The following CABLES1 variants were observed in gnomAD, a reference collection of about 807,000 sequenced individuals.
The protein encoded by CABLES1 is CDK5 and ABL1 enzyme substrate 1.
A neutral mutation model predicts 57.8 loss-of-function variants in CABLES1; 36 were observed. The ratio of observed to expected loss-of-function variants is 0.62; its 90% CI spans 0.48 to 0.82. The LOEUF (loss-of-function observed/expected upper bound fraction) is 0.82, where lower values mean the gene tolerates loss of function less well. Among genes scored for constraint, CABLES1 ranks in the 40% least tolerant of loss-of-function variants. The pLI is 0.00. For synonymous variants in CABLES1, 374 were observed against 363.0 expected (o/e 1.03, Z -0.35); for missense variants, 767 against 836.6 (o/e 0.92, Z 1.03).
intron 9 of CABLES1, 75 bp downstream of exon 9, chr18:23,254,011 C>A: frequency 8.0e-7 from 1 of 1,253,262 alleles, no homozygotes; most frequent in South Asian, 1.2e-5. Flanking sequence ...AGGATTCGGT[C>A]AGTGACCCTG....
chr18:23,247,416 GC>G (rs1339884929), intron 7 of CABLES1, among the ~76,000 whole-genome samples: 1 of 152,192 alleles, frequency 6.6e-6, no homozygotes, highest in African/African-American at 2.4e-5. Context: ...CAGAGCAGTG[GC>G]CTCAAGATGC....
At chr18:23,235,064 T>G (rs922353934) in intron 5 of CABLES1, among the ~76,000 whole-genome samples, 3 of 152,190 alleles carry the variant, frequency 2.0e-5, no homozygotes, top group African/African-American at 7.2e-5. Context: ...GTGTCATAGC[T>G]TCCCATGGTC....
chr18:23,219,514 T>C (rs928502529), intron 4 of CABLES1, among the ~76,000 whole-genome samples: 1 of 152,232 alleles, frequency 6.6e-6, no homozygotes, highest in Non-Finnish European at 1.5e-5. Flanking sequence ...TCGTGAACTC[T>C]CAGGCAGGGC....
At chr18:23,160,876 T>C (rs1330289535) in intron 1 of CABLES1, among the ~76,000 whole-genome samples, 1 of 151,860 alleles carries the variant, frequency 6.6e-6, no homozygotes, top group East Asian at 1.9e-4. Flanking sequence ...TCTACTAAAA[T>C]ACAAAAATTA....
At chr18:23,191,069 C>G (rs868423545) in intron 2 of CABLES1, among the ~76,000 whole-genome samples, 7 of 146,466 alleles carry the variant, frequency 4.8e-5, no homozygotes, top group Non-Finnish European at 1.0e-4. Flanking sequence ...TGTAGTGAGA[C>G]CCCATCTCTA....
chr18:23,178,747 C>T, intron 1 of CABLES1, among the ~76,000 whole-genome samples: 1 of 152,304 alleles, frequency 6.6e-6, no homozygotes, highest in East Asian at 1.9e-4. Flanking sequence ...AAGATAACCT[C>T]ACACCTTGAT....
At chr18:23,253,991 C>T (rs2048104082) in intron 9 of CABLES1, 55 bp downstream of exon 9, 13 of 1,501,576 alleles carry the variant, frequency 8.7e-6, no homozygotes, top group African/African-American at 1.4e-5. Context: ...TCCGGGGTTC[C>T]TCTCTCAGAA....
intron 4 of CABLES1, among the ~76,000 whole-genome samples, chr18:23,231,024 T>C (rs891788408): frequency 6.6e-6 from 1 of 152,042 alleles, no homozygotes; most frequent in African/African-American, 2.4e-5. Flanking sequence ...ATGGACCCCA[T>C]GGTCATTTCC....
At chr18:23,229,534 C>T (rs1037086524) in intron 4 of CABLES1, among the ~76,000 whole-genome samples, 7 of 152,304 alleles carry the variant, frequency 4.6e-5, no homozygotes, top group South Asian at 4.2e-4. Context: ...AGCTGCAGTT[C>T]GACATTCTCT....
chr18:23,146,373 G>A (rs955373045), intron 1 of CABLES1, among the ~76,000 whole-genome samples: 1 of 151,894 alleles, frequency 6.6e-6, no homozygotes, highest in African/African-American at 2.4e-5. Flanking sequence ...CCATGATCTT[G>A]GCTCACTGCA....
Position 23,136,308 on chromosome 18 carries a change from G to A in CABLES1, c.546G>A (p.Pro182=), listed in dbSNP as rs1040454379. The change falls in exon 1 of 10, where the codon CCG becomes CCA. Residue 182 remains proline (P), a synonymous_variant. Coordinates refer to ENST00000256925, the MANE Select transcript of CABLES1 (RefSeq NM_001100619.3). The part of the protein sequence containing the change: ...AGRASGEQWQ[P]PRPAPLAACA... ...GGGCGTCGGGGGAGCAGTGGCAGCC[G>A]CCCCGGCCGGCGCCTCTCGCCGCCT... 18 of 1,395,596 alleles carry A rather than the reference G, an allele frequency of 1.3e-5. No individual in the cohort carries two copies. The African/African-American group carries it at 2.3e-4, about 18-fold the overall frequency. The allele number at this position is 1,395,596 out of a possible 1,614,324, so 86.5% of individuals were successfully genotyped here.
intron 1 of CABLES1, among the ~76,000 whole-genome samples, chr18:23,163,156 A>G (rs1295119430): frequency 6.6e-6 from 1 of 152,082 alleles, no homozygotes; most frequent in Non-Finnish European, 1.5e-5. Flanking sequence ...CACTGGTACC[A>G]TGGAGATGGG....
chr18:23,213,583 C>CA (rs1156551258), intron 3 of CABLES1, among the ~76,000 whole-genome samples: 2 of 152,198 alleles, frequency 1.3e-5, no homozygotes, highest in African/African-American at 2.4e-5. Flanking sequence ...CTATTGCTCT[C>CA]ACATTGTTTA....
At chr18:23,224,304 C>CGTAA (rs1263490898) in intron 4 of CABLES1, among the ~76,000 whole-genome samples, 6 of 152,126 alleles carry the variant, frequency 3.9e-5, no homozygotes, top group Admixed American at 3.9e-4. Flanking sequence ...CAGCCCTTAC[C>CGTAA]CATCCTTGCT....
At chr18:23,219,416 C>A (rs1389473464) in intron 4 of CABLES1, among the ~76,000 whole-genome samples, 1 of 152,222 alleles carries the variant, frequency 6.6e-6, no homozygotes, top group East Asian at 1.9e-4. Flanking sequence ...TTCAGTTAGA[C>A]TTGGAAGTGT....
At chr18:23,214,141 A>G in intron 4 of CABLES1, 87 bp downstream of exon 4, 1 of 898,930 alleles carries the variant, frequency 1.1e-6, no homozygotes, top group Non-Finnish European at 1.8e-6. Context: ...TTCCATTTTC[A>G]AGAAGTTGCC....
intron 1 of CABLES1, among the ~76,000 whole-genome samples, chr18:23,137,639 AC>A (rs2046831879): frequency 6.6e-6 from 1 of 152,166 alleles, no homozygotes; most frequent in African/African-American, 2.4e-5. Flanking sequence ...TATCATGCTT[AC>A]CTGAAAGCTT....
At chr18:23,201,140 G>C (rs569217301) in intron 3 of CABLES1, among the ~76,000 whole-genome samples, 44 of 152,364 alleles carry the variant, frequency 2.9e-4, no homozygotes, top group South Asian at 1.2e-3. Flanking sequence ...AGATTAAACT[G>C]AGCAAGGAGA....
intron 1 of CABLES1, among the ~76,000 whole-genome samples, chr18:23,173,197 T>C (rs560938108): frequency 2.1e-4 from 32 of 152,230 alleles, no homozygotes; most frequent in Non-Finnish European, 3.5e-4. Context: ...TAGCCTGTGC[T>C]GGAGCATCTG....
Sources: allele counts gnomAD v4.1 joint callset (sites outside exome capture counted in the v4.1 genomes callset), GRCh38; gene constraint gnomAD v4.1.1; transcripts MANE v1.5; gene names NCBI Gene and HGNC (gene_info 2026-07-23, HGNC 2026-07-21).